The following AMBRA1 variants were observed in gnomAD, a reference collection of about 807,000 sequenced individuals.
AMBRA1 encodes the protein autophagy and beclin 1 regulator 1.
AMBRA1 carries 47 observed loss-of-function variants against 125.4 expected under a neutral mutation model. That is an observed-to-expected ratio of 0.37 (90% confidence interval 0.30 to 0.48). AMBRA1 has a LOEUF of 0.48. AMBRA1 is among the 20% of genes least tolerant of loss of function. The probability of loss-of-function intolerance (pLI) is 0.99; values close to 1 mark genes in which losing one functional copy is unlikely to be tolerated. For missense variants in AMBRA1, 1,331 were observed against 1,693.4 expected, an observed-to-expected ratio of 0.79 and a Z score of 3.76; for synonymous variants, 626 against 655.5, an observed-to-expected ratio of 0.95 and a Z score of 0.69.
At chr11:46,489,854 T>G (rs1219147537) in intron 11 of AMBRA1, among the ~76,000 whole-genome samples, 2 of 152,176 alleles carry the variant, frequency 1.3e-5, no homozygotes, top group Non-Finnish European at 2.9e-5. Context: ...AGATATTCCC[T>G]ACTTGAACTC....
chr11:46,587,171 G>T (rs2135337377), intron 1 of AMBRA1, among the ~76,000 whole-genome samples: 1 of 152,260 alleles, frequency 6.6e-6, no homozygotes, highest in South Asian at 2.1e-4. Context: ...CCTAAAGTCA[G>T]GAGTTCGAGA....
chr11:46,488,414 T>C (rs1950336475), intron 11 of AMBRA1, among the ~76,000 whole-genome samples: 2 of 151,070 alleles, frequency 1.3e-5, no homozygotes, highest in East Asian at 1.9e-4. Context: ...TGAGATTGCA[T>C]CACTGGGCAA....
intron 1 of AMBRA1, among the ~76,000 whole-genome samples, chr11:46,558,261 C>G (rs1253443650): frequency 6.6e-6 from 1 of 151,994 alleles, no homozygotes. Flanking sequence ...ACACTACTAA[C>G]CTAATATCAC....
chr11:46,438,474 G>A (rs1023650743), intron 12 of AMBRA1, among the ~76,000 whole-genome samples: 1 of 152,234 alleles, frequency 6.6e-6, no homozygotes, highest in African/African-American at 2.4e-5. Flanking sequence ...TTGCTGGCTG[G>A]CCAGATGAGG....
chr11:46,445,688 G>C (rs1262019773), intron 11 of AMBRA1, among the ~76,000 whole-genome samples: 2 of 152,064 alleles, frequency 1.3e-5, no homozygotes, highest in African/African-American at 4.8e-5. Flanking sequence ...TTTCCGAATT[G>C]TTTCCTGGGC....
At chr11:46,528,245 T>C (rs1205579986) in intron 7 of AMBRA1, among the ~76,000 whole-genome samples, 1 of 152,250 alleles carries the variant, frequency 6.6e-6, no homozygotes, top group African/African-American at 2.4e-5. Context: ...CGATCCCGGC[T>C]CGCTGCAACC....
Position 46,593,394 on chromosome 11 carries a change from C to T in AMBRA1, c.-121+434G>A, listed in dbSNP as rs187923875. Among the ~76,000 whole-genome samples the T allele has an allele frequency of 1.1e-4, 16 of 152,200 alleles. No individual in the cohort carries two copies. In the East Asian group the frequency reaches 3.1e-3, roughly 29 times the overall value. On this transcript the variant is annotated intron_variant, in intron 1 of 17. Coordinates refer to ENST00000683756, the MANE Select transcript of AMBRA1 (RefSeq NM_001387011.1). The stretch of plus-strand genomic sequence containing the variant: ...CACTTCGCTCAGAAGAGCCAGAGGG[C>T]CTTGTTCCATAAGCCTCCACCTACT...
chr11:46,530,755 T>A (rs532472745), intron 7 of AMBRA1: 13 of 152,364 alleles, frequency 8.5e-5, no homozygotes, highest in Non-Finnish European at 1.8e-4. Context: ...AAACCAGCTA[T>A]GAATGGTTTT....
intron 1 of AMBRA1, among the ~76,000 whole-genome samples, chr11:46,561,537 A>T (rs1290087909): frequency 3.3e-5 from 5 of 152,208 alleles, no homozygotes; most frequent in Admixed American, 6.5e-5. Context: ...AGATTCACAG[A>T]TGAGTCTGGA....
At chr11:46,500,168 A>G (rs1319609769) in intron 9 of AMBRA1, among the ~76,000 whole-genome samples, 1 of 152,224 alleles carries the variant, frequency 6.6e-6, no homozygotes, top group African/African-American at 2.4e-5. Context: ...CTGTGGGGCC[A>G]GCAGGCATTG....
At chr11:46,525,750 CAA>C (rs111312158) in intron 7 of AMBRA1, among the ~76,000 whole-genome samples, 1 of 140,812 alleles carries the variant, frequency 7.1e-6, no homozygotes, top group Non-Finnish European at 1.6e-5. Flanking sequence ...GACTCCGTCT[CAA>C]AAAAAAAAAA....
intron 17 of AMBRA1, among the ~76,000 whole-genome samples, chr11:46,405,756 G>A (rs572911651): frequency 2.0e-4 from 30 of 152,004 alleles, no homozygotes; most frequent in Non-Finnish European, 1.9e-4. Flanking sequence ...ATTTGAGACA[G>A]GGTCTCACTC....
chr11:46,416,181 A>G (rs1946539125), intron 15 of AMBRA1, among the ~76,000 whole-genome samples: 1 of 152,214 alleles, frequency 6.6e-6, no homozygotes, highest in South Asian at 2.1e-4. Context: ...CCAGTTTTGG[A>G]AAAGATGCTT....
At chr11:46,492,003 C>T (rs564479941) in intron 11 of AMBRA1, among the ~76,000 whole-genome samples, 1 of 152,228 alleles carries the variant, frequency 6.6e-6, no homozygotes, top group South Asian at 2.1e-4. Context: ...ATGTCTGGAA[C>T]AAAGAAGGGT....
chr11:46,465,424 C>G (rs990068333), intron 11 of AMBRA1, among the ~76,000 whole-genome samples: 1 of 152,178 alleles, frequency 6.6e-6, no homozygotes, highest in Admixed American at 6.5e-5. Flanking sequence ...CCTGGGCACA[C>G]GTTACTACAG....
At chr11:46,411,285 A>T (rs1467581418) in intron 15 of AMBRA1, among the ~76,000 whole-genome samples, 1 of 152,134 alleles carries the variant, frequency 6.6e-6, no homozygotes, top group East Asian at 1.9e-4. Flanking sequence ...TAAAGAGCAA[A>T]CATCCCCAAG....
Position 46,542,770 on chromosome 11 carries a change from C to A in AMBRA1, c.1247G>T (p.Gly416Val). ...YHREIAPGLT[G>V]SEWTRTVLSL... Reference sequence around the variant, plus strand: ...GAGTACTGTCCGGGTCCACTCAGATCCTGTCAACCCAGGAGCTATTTCTCG... The same window carrying A: ...GAGTACTGTCCGGGTCCACTCAGATACTGTCAACCCAGGAGCTATTTCTCG... Residue 416 changes from glycine to valine, a missense_variant, in exon 7 of 18, where the codon GGA becomes GTA. This residue lies in a region of AMBRA1 where 689 missense variants were observed against 776.5 expected (regional missense o/e 0.89). Coordinates refer to ENST00000683756, the MANE Select transcript of AMBRA1 (RefSeq NM_001387011.1). This position sits in a 1 kb window ranked among gnomAD's most constrained non-coding sequence, Gnocchi z 5.9. 6.2e-7 allele frequency: 1 copy of A among 1,614,014 alleles called. No individual in the cohort carries two copies. The highest frequency in any genetic ancestry group is 8.5e-7 in the Non-Finnish European group (1 of 1,180,008).
chr11:46,543,134 T>C lies in AMBRA1; in HGVS notation c.883A>G (p.Ser295Gly), dbSNP rs1952833013. The C allele has an allele frequency of 6.4e-7, 1 of 1,567,302 alleles. No homozygotes were observed. The highest frequency in any genetic ancestry group is 8.6e-7 in the Non-Finnish European group (1 of 1,161,712). ...SAYIRLRQRV[S>G]YPTAECCQHL... ...TGGCAGCACTCAGCTGTGGGGTAAC[T>C]GACCCGCTGTCGGAGCCTGATGTAA... Residue 295 changes from serine to glycine, a missense_variant, in exon 7 of 18, where the codon AGT becomes GGT. This residue lies in a region of AMBRA1 where 689 missense variants were observed against 776.5 expected (regional missense o/e 0.89). Transcript: ENST00000683756.
chr11:46,503,060 C>CAAAAAAAA (rs35217088), intron 9 of AMBRA1, among the ~76,000 whole-genome samples: 1 of 31,014 alleles, frequency 3.2e-5, no homozygotes, highest in African/African-American at 7.8e-5. Flanking sequence ...GACTCTGTCT[C>CAAAAAAAA]AAAAAAAAAA....
Sources: allele counts gnomAD v4.1 joint callset (sites outside exome capture counted in the v4.1 genomes callset), GRCh38; gene constraint gnomAD v4.1.1; regional missense constraint gnomAD v4.1.1; non-coding constraint Gnocchi (gnomAD v3.1); transcripts MANE v1.5; gene names NCBI Gene and HGNC (gene_info 2026-07-23, HGNC 2026-07-21).